The following ADAMTS3 variants were observed in gnomAD, a reference collection of about 807,000 sequenced individuals.
The protein encoded by ADAMTS3 is ADAM metallopeptidase with thrombospondin type 1 motif 3.
In ADAMTS3, 73 loss-of-function variants were observed where a neutral mutation model predicts 129.0. That is an observed-to-expected ratio of 0.57 (90% CI 0.47 to 0.69). The LOEUF (loss-of-function observed/expected upper bound fraction) is 0.69, where lower values mean the gene tolerates loss of function less well. Among genes scored for constraint, ADAMTS3 ranks in the 30% least tolerant of loss-of-function variants. ADAMTS3 has a pLI of 0.00. For synonymous variants in ADAMTS3, 477 were observed against 510.8 expected, an observed-to-expected ratio of 0.93 and a Z score of 0.89; for missense variants, 1,457 against 1,514.5, an observed-to-expected ratio of 0.96 and a Z score of 0.63.
chr4:72,539,165 C>T (rs1362275639), intron 3 of ADAMTS3, among the ~76,000 whole-genome samples: 2 of 151,936 alleles, frequency 1.3e-5, no homozygotes, highest in African/African-American at 4.8e-5. Context: ...AATTGGACTT[C>T]ATGAAAATAA....
chr4:72,514,685 A>G (rs569428052), intron 3 of ADAMTS3, among the ~76,000 whole-genome samples: 1 of 152,254 alleles, frequency 6.6e-6, no homozygotes, highest in South Asian at 2.1e-4. Flanking sequence ...TTTAAGTAAT[A>G]TATATCCTCA....
At chr4:72,491,398 A>G (rs962150343) in intron 3 of ADAMTS3, among the ~76,000 whole-genome samples, 3 of 151,714 alleles carry the variant, frequency 2.0e-5, no homozygotes, top group African/African-American at 7.2e-5. Context: ...AAAAGTTTTC[A>G]GTTTTTCCTC....
intron 4 of ADAMTS3, among the ~76,000 whole-genome samples, chr4:72,401,720 AT>A (rs1029472749): frequency 6.6e-6 from 1 of 152,072 alleles, no homozygotes; most frequent in African/African-American, 2.4e-5. Flanking sequence ...TGTAGTTGTG[AT>A]TTAAGAAAAA....
chr4:72,568,637 CT>C, intron 1 of ADAMTS3, 56 bp downstream of exon 1: 1 of 1,421,152 alleles, frequency 7.0e-7, no homozygotes, highest in Non-Finnish European at 9.8e-7. Context: ...AGGGGAGGAA[CT>C]TTTCGGGAAA....
At position 72,444,693 on chromosome 4, in the gene ADAMTS3, C is replaced by A. The variant is rs190096921; in HGVS notation, c.505-29722G>T. 2.2e-3 allele frequency among the ~76,000 whole-genome samples: 335 copies of A among 151,738 alleles called. 1 individual carries two copies. Among genetic ancestry groups the A allele is most frequent in the Non-Finnish European group, 3.6e-3 (245 of 67,792 alleles). On this transcript the variant is annotated intron_variant, in intron 3 of 21. Coordinates refer to ENST00000286657, the MANE Select transcript of ADAMTS3 (RefSeq NM_014243.3). ...AATCAGAGGAAAATAGCATAGGCTACGTATTTGACATTGCAAGTTATAAGG... is the reference window on the plus strand; with the variant it reads ...AATCAGAGGAAAATAGCATAGGCTAAGTATTTGACATTGCAAGTTATAAGG...
In ADAMTS3 at chr4:72,291,024, C is replaced by G; in HGVS notation, c.2762G>C (p.Cys921Ser). 6.2e-7 allele frequency: 1 copy of G among 1,614,026 alleles called. No homozygotes were observed. The highest frequency in any genetic ancestry group is 8.5e-7 in the Non-Finnish European group (1 of 1,179,956). Residue 921 changes from cysteine to serine, a missense_variant, in exon 20 of 22, where the codon TGT becomes TCT. Coordinates refer to ENST00000286657, the MANE Select transcript of ADAMTS3 (RefSeq NM_014243.3). The part of the protein sequence containing the change: ...AEEWEHCTKT[C>S]GSSGYQLRTV... Reference sequence around the variant, plus strand: ...GCGAAGCTGATAGCCAGAACTTCCACAGGTTTTGGTGCAGTGTTCCCATTC... The same window carrying G: ...GCGAAGCTGATAGCCAGAACTTCCAGAGGTTTTGGTGCAGTGTTCCCATTC...
At chr4:72,490,871 T>TC (rs2110014580) in intron 3 of ADAMTS3, among the ~76,000 whole-genome samples, 1 of 151,982 alleles carries the variant, frequency 6.6e-6, no homozygotes, top group South Asian at 2.1e-4. Flanking sequence ...TGTAACTACT[T>TC]CCATGAAGCT....
intron 2 of ADAMTS3, among the ~76,000 whole-genome samples, chr4:72,559,595 C>G (rs7375386): frequency 0.96 from 146,131 of 151,668 alleles, 70,787 homozygotes; most frequent in East Asian, 1. Flanking sequence ...CTAAAATGTA[C>G]GGATTAGAAT....
intron 5 of ADAMTS3, among the ~76,000 whole-genome samples, chr4:72,333,879 T>G (rs1719917841): frequency 9.7e-6 from 1 of 103,286 alleles, no homozygotes; most frequent in African/African-American, 3.6e-5. Context: ...AGACGGAGTC[T>G]TGCTCTGTTG....
intron 3 of ADAMTS3, among the ~76,000 whole-genome samples, chr4:72,459,021 A>G (rs1718696101): frequency 6.6e-6 from 1 of 151,790 alleles, no homozygotes; most frequent in Admixed American, 6.6e-5. Flanking sequence ...ACAATTTTGT[A>G]TACAAAAAGT....
intron 3 of ADAMTS3, among the ~76,000 whole-genome samples, chr4:72,530,059 ATG>A (rs375660400): frequency 0.054 from 50 of 918 alleles, 20 homozygotes; most frequent in African/African-American, 0.12. Context: ...TATATATAAT[ATG>A]TTATATATAA....
At chr4:72,375,775 T>C (rs1721119708) in intron 4 of ADAMTS3, among the ~76,000 whole-genome samples, 1 of 152,152 alleles carries the variant, frequency 6.6e-6, no homozygotes, top group Non-Finnish European at 1.5e-5. Context: ...AAACTTAAAA[T>C]GTATTCCTGT....
At chr4:72,543,996 A>G (rs976845799) in intron 3 of ADAMTS3, among the ~76,000 whole-genome samples, 2 of 152,144 alleles carry the variant, frequency 1.3e-5, no homozygotes, top group Non-Finnish European at 2.9e-5. Flanking sequence ...GTATTACTAA[A>G]TCTGGAGTTA....
In ADAMTS3 at chr4:72,295,868, C is replaced by T. The variant is rs1156566302; in HGVS notation, c.2591-82G>A. On this transcript the variant is annotated intron_variant, in intron 18 of 21. Transcript: ENST00000286657. ...TTGATTATTCACTTACTCATTCATA[C>T]ATTTATTCATCCATTCAATAAATAT... The T allele has an allele frequency of 6.0e-6, 9 of 1,495,726 alleles. No homozygotes were observed. The African/African-American group carries it at 7.0e-5, about 12-fold the overall frequency. The allele number at this position is 1,495,726 out of a possible 1,614,324, so 92.7% of individuals were successfully genotyped here.
At chr4:72,456,338 G>GTA (rs1718614572) in intron 3 of ADAMTS3, among the ~76,000 whole-genome samples, 3 of 142,628 alleles carry the variant, frequency 2.1e-5, no homozygotes, top group Non-Finnish European at 1.5e-5. Context: ...TATATATACT[G>GTA]TATATACTAT....
At chr4:72,304,228 T>G (rs1719028295) in intron 16 of ADAMTS3, 148 bp from the exon 17 acceptor site, 1 of 770,628 alleles carries the variant, frequency 1.3e-6, no homozygotes, top group South Asian at 1.9e-5. Flanking sequence ...AGTTCTGATA[T>G]TATTTCCATT....
chr4:72,498,113 C>T (rs909004281), intron 3 of ADAMTS3, among the ~76,000 whole-genome samples: 3 of 151,974 alleles, frequency 2.0e-5, no homozygotes, highest in South Asian at 4.2e-4. Context: ...AAGTGTTTTC[C>T]GTATAACATA....
intron 4 of ADAMTS3, among the ~76,000 whole-genome samples, chr4:72,393,835 C>T (rs1170398185): frequency 6.6e-6 from 1 of 152,162 alleles, no homozygotes; most frequent in Non-Finnish European, 1.5e-5. Flanking sequence ...TCTTCAGCAT[C>T]TATAACTAGA....
At chr4:72,492,187 T>A (rs1330348547) in intron 3 of ADAMTS3, among the ~76,000 whole-genome samples, 1 of 149,152 alleles carries the variant, frequency 6.7e-6, no homozygotes, top group East Asian at 1.9e-4. Context: ...TTTAAAACTT[T>A]TATTTATCTT....
Sources: gnomAD v4.1 joint callset for allele counts (sites outside exome capture counted in the v4.1 genomes callset) on GRCh38, gnomAD v4.1.1 for gene constraint, MANE v1.5 for transcripts, NCBI Gene and HGNC (gene_info 2026-07-23, HGNC 2026-07-21) for gene names.